DLD: variants seen among roughly 807,000 people sequenced by gnomAD.
DLD encodes the protein dihydrolipoamide dehydrogenase, also known as dihydrolipoyl dehydrogenase, mitochondrial.
In DLD, 36 loss-of-function variants were observed where a neutral mutation model predicts 62.2. The ratio of observed to expected loss-of-function variants is 0.58; its 90% confidence interval spans 0.44 to 0.76. The LOEUF is 0.76. DLD is among the 30% of genes least tolerant of loss of function. The pLI, the probability that DLD is intolerant of heterozygous loss-of-function variation, is 0.00. For synonymous variants in DLD, 204 were observed against 199.6 expected (o/e 1.02, Z -0.19); for missense variants, 541 against 608.6 (o/e 0.89, Z 1.17).
At chr7:107,899,606 A>T (rs947481787) in intron 2 of DLD, among the ~76,000 whole-genome samples, 1 of 152,030 alleles carries the variant, frequency 6.6e-6, no homozygotes, top group Non-Finnish European at 1.5e-5. Flanking sequence ...ATTCAGTTTT[A>T]TTGTCATTAA....
chr7:107,917,732 A>G (rs1003823535), intron 11 of DLD, among the ~76,000 whole-genome samples, 192 bp from the exon 12 acceptor site: 6 of 152,208 alleles, frequency 3.9e-5, no homozygotes, highest in African/African-American at 9.6e-5. Context: ...ATGGACAGAC[A>G]TTTGTATTTG....
chr7:107,892,678 T>A (rs2031616600), intron 1 of DLD, among the ~76,000 whole-genome samples: 1 of 152,148 alleles, frequency 6.6e-6, no homozygotes, highest in African/African-American at 2.4e-5. Flanking sequence ...CCCGAGTAGC[T>A]GGGATTACAG....
intron 8 of DLD, among the ~76,000 whole-genome samples, chr7:107,907,660 A>AT (rs1190892922): frequency 6.6e-6 from 1 of 151,906 alleles, no homozygotes; most frequent in Non-Finnish European, 1.5e-5. Context: ...TGGTTTTGTG[A>AT]TTTTTATTCT....
In DLD at chr7:107,901,758, A is replaced by T; in HGVS notation, c.139A>T (p.Ile47Leu). Residue 47 changes from isoleucine (I) to leucine (L), a missense_variant, in exon 3 of 14, where the codon ATA (isoleucine) becomes TTA (leucine). Ile to Leu is a conservative substitution (Grantham distance 5). Transcript: ENST00000205402. ...CGTAGTTGATGCTGATGTAACAGTT[A>T]TAGGTTCTGGTCCTGGAGGATATGT... ...DQPIDADVTV[I>L]GSGPGGYVAA... 6.2e-7 allele frequency: 1 copy of T among 1,613,604 alleles called. No individual in the cohort carries two copies. The highest frequency in any genetic ancestry group is 1.1e-5 in the South Asian group (1 of 91,076).
chr7:107,905,198 C>G, intron 6 of DLD, 140 bp downstream of exon 6: 1 of 1,020,190 alleles, frequency 9.8e-7, no homozygotes, highest in Non-Finnish European at 1.5e-6. Flanking sequence ...ATAGATTTCC[C>G]TGACATATAT....
chr7:107,897,933 G>A (rs1306262330), intron 2 of DLD, among the ~76,000 whole-genome samples: 2 of 152,090 alleles, frequency 1.3e-5, no homozygotes, highest in African/African-American at 2.4e-5. Flanking sequence ...CTTTATTTCA[G>A]TGGTAGCCTG....
intron 10 of DLD, 71 bp downstream of exon 10, chr7:107,917,035 A>G (rs1444008613): frequency 2.0e-6 from 3 of 1,482,748 alleles, no homozygotes; most frequent in Admixed American, 1.8e-5. Flanking sequence ...GAAAAGTAAG[A>G]TTTTTATGCT....
chr7:107,917,797 C>T lies in DLD; in HGVS notation c.1237-127C>T, dbSNP rs148534801. ...TAACCAGTCTTCTGGTCTTTCCTTT[C>T]CTTCTATGTGCTTTGCGAACAATTC... On this transcript the variant is annotated intron_variant, in intron 11 of 13. Coordinates refer to ENST00000205402, the MANE Select transcript of DLD (RefSeq NM_000108.5). 442 of 1,222,584 alleles carry T rather than the reference C, an allele frequency of 3.6e-4. 6 individuals are homozygous for T. The East Asian group carries it at 6.4e-3, about 18-fold the overall frequency. 75.7% of individuals were successfully genotyped at this position (1,222,584 alleles called of 1,614,324 possible).
chr7:107,914,048 A>G (rs907784346), intron 8 of DLD, among the ~76,000 whole-genome samples: 1 of 152,174 alleles, frequency 6.6e-6, no homozygotes, highest in Non-Finnish European at 1.5e-5. Flanking sequence ...ATGTTGAATC[A>G]TCCTTGCATC....
intron 2 of DLD, among the ~76,000 whole-genome samples, chr7:107,898,947 CAT>C (rs1562912071): frequency 6.6e-6 from 1 of 152,106 alleles, no homozygotes; most frequent in Admixed American, 6.5e-5. Context: ...GAGTCAGAAT[CAT>C]GTGTTATCAG....
chr7:107,910,741 A>G, intron 8 of DLD, among the ~76,000 whole-genome samples: 1 of 152,182 alleles, frequency 6.6e-6, no homozygotes. Flanking sequence ...TAAAACACTT[A>G]ATGCAGTGCC....
Position 107,909,753 on chromosome 7 carries a change from G to A in DLD, c.684+3385G>A, listed in dbSNP as rs114720989. On this transcript the variant is annotated intron_variant, in intron 8 of 13. Coordinates refer to ENST00000205402, the MANE Select transcript of DLD (RefSeq NM_000108.5). ...ATATTTGCCTGTCTGCCACCTTTTG[G>A]CAGTTCCCTTGTGCTAAGTAAGTTC... 4.6e-3 allele frequency among the ~76,000 whole-genome samples: 694 copies of A among 151,842 alleles called. 8 individuals are homozygous for A. Among genetic ancestry groups the A allele is most frequent in the African/African-American group, 0.015 (630 of 41,384 alleles).
intron 3 of DLD, among the ~76,000 whole-genome samples, 172 bp from the exon 4 acceptor site, chr7:107,902,153 A>G (rs556095285): frequency 2.0e-5 from 3 of 151,696 alleles, no homozygotes; most frequent in Admixed American, 1.3e-4. Flanking sequence ...GGTCAGCCCA[A>G]AAGTGTTTAT....
rs2032399850 is a variant in DLD, at chr7:107,921,094, C to G, written c.*1835C>G. 6.6e-6 allele frequency: 1 copy of G among 152,222 alleles called. No individual in the cohort carries two copies. Among genetic ancestry groups the G allele is most frequent in the South Asian group, 2.1e-4 (1 of 4,824 alleles). 9.4% of individuals were successfully genotyped at this position (152,222 alleles called of 1,614,324 possible). On this transcript the variant is annotated 3_prime_UTR_variant, in exon 14 of 14. Transcript: ENST00000205402. ...AATATAATTTAATATGGAATTCTAG[C>G]TGTAGAGTTAAATCCATCTTTAAGT...
chr7:107,896,791 C>T (rs531830764), intron 2 of DLD, among the ~76,000 whole-genome samples: 2 of 151,918 alleles, frequency 1.3e-5, no homozygotes, highest in South Asian at 2.1e-4. Flanking sequence ...CTTATGACAT[C>T]TCTTTTCCTG....
At chr7:107,907,605 C>G (rs956634069) in intron 8 of DLD, among the ~76,000 whole-genome samples, 2 of 152,116 alleles carry the variant, frequency 1.3e-5, no homozygotes, top group Admixed American at 6.5e-5. Flanking sequence ...AAGACTAATC[C>G]CTTTACTTGT....
chr7:107,904,822 A>G (rs2031963853), intron 5 of DLD, 136 bp from the exon 6 acceptor site: 1 of 701,232 alleles, frequency 1.4e-6, no homozygotes, highest in Admixed American at 2.0e-5. Flanking sequence ...CTATAATTAT[A>G]AGTTATTACA....
rs1432275074 is a variant in DLD, at chr7:107,906,357, G to C, written c.673G>C (p.Gly225Arg). The C allele has an allele frequency of 1.2e-6, 2 of 1,606,814 alleles. No individual in the cohort carries two copies. The highest frequency in any genetic ancestry group is 1.7e-6 in the Non-Finnish European group (2 of 1,173,532). ...GGTTGTTATTGGTGCAGGAGTAATA[G>C]GTGTAGAATTGGTAAGTGTTGTCTT... ...KMVVIGAGVI[G>R]VELGSVWQRL... The change falls in exon 8 of 14, where the codon GGT (glycine) becomes CGT (arginine). Residue 225 changes from glycine (G) to arginine (R), a missense_variant. Physicochemically the swap from Gly to Arg is moderately radical, Grantham distance 125. Transcript: ENST00000205402.
Position 107,891,283 on chromosome 7 carries a change from G to A in DLD, c.33G>A (p.Leu11=), listed in dbSNP as rs1289577738. 6.2e-7 allele frequency: 1 copy of A among 1,613,986 alleles called. No homozygotes were observed. Among genetic ancestry groups the A allele is most frequent in the East Asian group, 2.2e-5 (1 of 44,870 alleles). Residue 11 remains leucine, a synonymous_variant, in exon 1 of 14, where the codon TTG becomes TTA. Transcript: ENST00000205402. ...GCTGGAGTCGTGTGTACTGCTCCTT[G>A]GCCAAGGTGAGGGCCGAGTAGGTGA... The part of the protein sequence containing the change: MQSWSRVYCS[L]AKRGHFNRIS...
Sources: allele counts gnomAD v4.1 joint callset (sites outside exome capture counted in the v4.1 genomes callset), GRCh38; gene constraint gnomAD v4.1.1; transcripts MANE v1.5; gene names NCBI Gene and HGNC (gene_info 2026-07-23, HGNC 2026-07-21).